Variants in PCP4 observed in about 807,000 individuals in gnomAD.
The protein encoded by PCP4 is Purkinje cell protein 4.
A neutral mutation model predicts 10.0 loss-of-function variants in PCP4; 8 were observed. The observed-to-expected ratio is 0.80, with a 90% CI of 0.47 to 1.45. PCP4 has a LOEUF of 1.45. PCP4 is among the 40% of genes most tolerant of loss of function. PCP4 has a pLI of 0.00. For missense variants in PCP4, 54 were observed against 74.4 expected (o/e 0.73, Z 1.01); for synonymous variants, 21 against 23.0 (o/e 0.91, Z 0.24).
chr21:39,925,236 C>G (rs934404657), intron 2 of PCP4, among the ~76,000 whole-genome samples: 2 of 152,144 alleles, frequency 1.3e-5, no homozygotes, highest in Admixed American at 1.3e-4. Flanking sequence ...TACATGCCTC[C>G]TTGGAGGCCC....
chr21:39,926,038 C>G (rs898523143), intron 2 of PCP4: 15 of 456,140 alleles, frequency 3.3e-5, no homozygotes, highest in Middle Eastern at 3.2e-4. Flanking sequence ...TGTCCCTTCT[C>G]CACTGCAGTC....
intron 1 of PCP4, among the ~76,000 whole-genome samples, chr21:39,871,038 G>A (rs987633004): frequency 2.0e-5 from 3 of 152,172 alleles, no homozygotes; most frequent in Non-Finnish European, 2.9e-5. Flanking sequence ...AATCCATGTC[G>A]AACTTAATGT....
rs572299952 is a variant in PCP4, at chr21:39,871,728, C to T, written c.9+4218C>T. Among the ~76,000 whole-genome samples, 6 of 152,182 alleles carry T rather than the reference C, an allele frequency of 3.9e-5. No homozygotes were observed. In the South Asian group the frequency reaches 8.3e-4, roughly 21 times the overall value. ...AGCAGGAATATGTGTTTCCCAGGGC[C>T]GATGATTGTTAAGAGTTGCCATAAA... On this transcript the variant is annotated intron_variant, in intron 1 of 2. Coordinates refer to ENST00000328619, the MANE Select transcript of PCP4 (RefSeq NM_006198.3).
intron 2 of PCP4, chr21:39,926,197 T>C (rs1441580032): frequency 2.8e-6 from 1 of 352,258 alleles, no homozygotes; most frequent in Admixed American, 3.6e-5. Flanking sequence ...TAAATGTTAG[T>C]GGTTTCTTTT....
intron 2 of PCP4, among the ~76,000 whole-genome samples, chr21:39,903,867 C>CAAAAAAAAAAAAAAAAAAA (rs1210365373): frequency 8.6e-5 from 3 of 34,822 alleles, no homozygotes; most frequent in African/African-American, 1.9e-4. Flanking sequence ...GACTCCGTCT[C>CAAAAAAAAAAAAAAAAAAA]AAAAAAAACA....
At chr21:39,898,679 A>G in intron 2 of PCP4, 152 bp downstream of exon 2, 1 of 627,494 alleles carries the variant, frequency 1.6e-6, no homozygotes, top group Non-Finnish European at 2.8e-6. Context: ...CACAGTGAGC[A>G]CTGAGGTCTG....
intron 2 of PCP4, among the ~76,000 whole-genome samples, chr21:39,899,255 C>T (rs1006227906): frequency 1.3e-5 from 2 of 152,152 alleles, no homozygotes; most frequent in Non-Finnish European, 2.9e-5. Flanking sequence ...ATAAAAAATA[C>T]CCAGTGGTAT....
chr21:39,885,165 C>T (rs2087393957), intron 1 of PCP4, among the ~76,000 whole-genome samples: 1 of 152,178 alleles, frequency 6.6e-6, no homozygotes, highest in African/African-American at 2.4e-5. Context: ...AATGGGAACG[C>T]TTTTGATTCT....
intron 2 of PCP4, among the ~76,000 whole-genome samples, chr21:39,926,533 A>T (rs992069241): frequency 6.6e-6 from 1 of 152,178 alleles, no homozygotes; most frequent in Non-Finnish European, 1.5e-5. Context: ...CTCACTGTAC[A>T]GTTGATGCAA....
intron 2 of PCP4, among the ~76,000 whole-genome samples, chr21:39,928,602 G>A (rs1289270646): frequency 6.6e-6 from 1 of 152,160 alleles, no homozygotes; most frequent in African/African-American, 2.4e-5. Context: ...CAGTAATTGT[G>A]AATATCAGCT....
At chr21:39,897,319 C>A (rs9680224) in intron 1 of PCP4, among the ~76,000 whole-genome samples, 1 of 146,138 alleles carries the variant, frequency 6.8e-6, no homozygotes, top group Non-Finnish European at 1.5e-5. Flanking sequence ...ACCTGGGAGG[C>A]GGAGGTTGCA....
rs113408737 is a variant in PCP4 at position 39,872,151 on chromosome 21, A to G, written c.9+4641A>G. Among the ~76,000 whole-genome samples, 826 of 152,178 alleles carry G rather than the reference A, an allele frequency of 5.4e-3. 11 individuals are homozygous for G. The highest frequency in any genetic ancestry group is 0.019 in the African/African-American group (791 of 41,496). On this transcript the variant is annotated intron_variant, in intron 1 of 2. Coordinates refer to ENST00000328619, the MANE Select transcript of PCP4 (RefSeq NM_006198.3). ...GTAGCTGGGACTATAGGCTCCTACC[A>G]CCACGCCCAGCTAATTTTTGTAGTT...
At chr21:39,881,610 C>T (rs1436190221) in intron 1 of PCP4, among the ~76,000 whole-genome samples, 2 of 152,136 alleles carry the variant, frequency 1.3e-5, no homozygotes, top group Non-Finnish European at 2.9e-5. Context: ...AGTTCCCTGA[C>T]AATGTGAAAT....
intron 2 of PCP4, among the ~76,000 whole-genome samples, chr21:39,917,997 T>C (rs1568861300): frequency 6.6e-6 from 1 of 152,072 alleles, no homozygotes; most frequent in Non-Finnish European, 1.5e-5. Flanking sequence ...AGGGAAGCCA[T>C]CTGCAAGCCA....
Position 39,867,452 on chromosome 21 carries a change from A to G in PCP4, c.-50A>G. The G allele has an allele frequency of 1.2e-6, 2 of 1,611,504 alleles. No homozygotes were observed. The highest frequency in any genetic ancestry group is 1.7e-6 in the Non-Finnish European group (2 of 1,177,582). On this transcript the variant is annotated 5_prime_UTR_variant, in exon 1 of 3. Transcript: ENST00000328619. ...ACCGGTGGAGCAGCGACCCCTGAGC[A>G]GTGTTCTCTGTGCTGAGCGGCGGGA...
At chr21:39,890,923 G>A (rs911082484) in intron 1 of PCP4, among the ~76,000 whole-genome samples, 1 of 152,066 alleles carries the variant, frequency 6.6e-6, no homozygotes, top group Non-Finnish European at 1.5e-5. Context: ...ATTTGTTTGT[G>A]GGACTGTTAG....
intron 2 of PCP4, among the ~76,000 whole-genome samples, chr21:39,907,752 G>A (rs144745261): frequency 1.2e-3 from 179 of 152,132 alleles, no homozygotes; most frequent in African/African-American, 3.9e-3. Flanking sequence ...AGCAGACATC[G>A]TGCCACTGCA....
At chr21:39,874,271 C>T (rs914559671) in intron 1 of PCP4, among the ~76,000 whole-genome samples, 8 of 152,160 alleles carry the variant, frequency 5.3e-5, no homozygotes, top group East Asian at 1.9e-4. Flanking sequence ...GAGACTAAAA[C>T]GTCTCCAGCC....
intron 2 of PCP4, among the ~76,000 whole-genome samples, chr21:39,907,879 G>A (rs1322718333): frequency 1.3e-5 from 2 of 152,214 alleles, no homozygotes; most frequent in African/African-American, 4.8e-5. Flanking sequence ...AGGTGGAGCA[G>A]GAGAAGAGAG....
Sources: gnomAD v4.1 joint callset for allele counts (sites outside exome capture counted in the v4.1 genomes callset) on GRCh38, gnomAD v4.1.1 for gene constraint, MANE v1.5 for transcripts, NCBI Gene and HGNC (gene_info 2026-07-23, HGNC 2026-07-21) for gene names.